The following KHDRBS2 variants were observed in gnomAD, a reference collection of about 807,000 sequenced individuals.
KHDRBS2 encodes the protein KH domain-containing, RNA-binding, signal transduction-associated protein 2.
In KHDRBS2, 26 loss-of-function variants were observed where a neutral mutation model predicts 44.3. The observed-to-expected ratio is 0.59, with a 90% CI of 0.43 to 0.81. The LOEUF is 0.81. Among genes scored for constraint, KHDRBS2 ranks in the 40% least tolerant of loss-of-function variants. The pLI, the probability that KHDRBS2 is intolerant of heterozygous loss-of-function variation, is 0.00. For synonymous variants in KHDRBS2, 194 were observed against 151.1 expected, an observed-to-expected ratio of 1.28 and a Z score of -2.08; for missense variants, 476 against 433.1, an observed-to-expected ratio of 1.10 and a Z score of -0.88.
chr6:61,602,906 C>T, the KHDRBS2 span, among the ~76,000 whole-genome samples: 1 of 152,140 alleles, frequency 6.6e-6, no homozygotes, highest in African/African-American at 2.4e-5. Context: ...CCTGACTATT[C>T]CTAGGCTATA....
the KHDRBS2 span, among the ~76,000 whole-genome samples, chr6:61,668,313 A>G: frequency 2.0e-5 from 3 of 151,082 alleles, no homozygotes; most frequent in African/African-American, 7.3e-5. Flanking sequence ...CAGTATTTAT[A>G]ATTTTCTAAA....
At chr6:62,087,066 T>A (rs1356765169) in intron 2 of KHDRBS2, among the ~76,000 whole-genome samples, 1 of 152,084 alleles carries the variant, frequency 6.6e-6, no homozygotes, top group Non-Finnish European at 1.5e-5. Flanking sequence ...TGTAAATTTA[T>A]AAGACATGTA....
Position 62,120,863 on chromosome 6 carries a change from A to T in KHDRBS2, c.219+56322T>A, listed in dbSNP as rs563220538. Among the ~76,000 whole-genome samples the T allele has an allele frequency of 7.9e-5, 12 of 152,308 alleles. No individual in the cohort carries two copies. In the South Asian group the frequency reaches 1.5e-3, roughly 18 times the overall value. On this transcript the variant is annotated intron_variant, in intron 2 of 8. Transcript: ENST00000281156. ...CCCACTACATTACCAACAAATTATGATGTTAATCTTTTTCCTATCCTTCCC... is the reference window on the plus strand; with the variant it reads ...CCCACTACATTACCAACAAATTATGTTGTTAATCTTTTTCCTATCCTTCCC...
chr6:61,873,936 C>A (rs934323328), intron 6 of KHDRBS2, among the ~76,000 whole-genome samples: 1 of 151,852 alleles, frequency 6.6e-6, no homozygotes, highest in African/African-American at 2.4e-5. Flanking sequence ...GACAAAGATG[C>A]ATGGGGGGCA....
chr6:61,561,542 G>A, the KHDRBS2 span, among the ~76,000 whole-genome samples: 166 of 152,192 alleles, frequency 1.1e-3, 2 homozygotes, highest in Middle Eastern at 3.4e-3. Context: ...CTGCAGCTTA[G>A]CTGGTACCCA....
chr6:62,242,508 C>T (rs176611), intron 1 of KHDRBS2, among the ~76,000 whole-genome samples: 7,251 of 152,020 alleles, frequency 0.048, 597 homozygotes, highest in African/African-American at 0.16. Context: ...ATAGTCTTTA[C>T]GCATGGCCAA....
At chr6:61,665,388 T>A in the KHDRBS2 span, among the ~76,000 whole-genome samples, 1 of 151,420 alleles carries the variant, frequency 6.6e-6, no homozygotes, top group Admixed American at 6.6e-5. Flanking sequence ...CACTTATAAG[T>A]AATGCTTGCA....
At chr6:62,155,098 T>C (rs576713487) in intron 2 of KHDRBS2, among the ~76,000 whole-genome samples, 44 of 152,246 alleles carry the variant, frequency 2.9e-4, no homozygotes, top group African/African-American at 9.9e-4. Flanking sequence ...ACTGGGAGTC[T>C]GGGAGATGGT....
chr6:61,675,234 G>A (rs151141613), downstream of KHDRBS2, among the ~76,000 whole-genome samples: 3,739 of 151,788 alleles, frequency 0.025, 73 homozygotes, highest in Middle Eastern at 0.082. Context: ...ATATTTTCAT[G>A]TAAAGACCTA....
At chr6:62,035,347 T>C (rs1785089648) in intron 3 of KHDRBS2, among the ~76,000 whole-genome samples, 1 of 151,956 alleles carries the variant, frequency 6.6e-6, no homozygotes, top group Non-Finnish European at 1.5e-5. Context: ...TGTAACAACA[T>C]GGATGGAAAT....
At chr6:62,239,508 C>T (rs893907125) in intron 1 of KHDRBS2, among the ~76,000 whole-genome samples, 4 of 151,886 alleles carry the variant, frequency 2.6e-5, no homozygotes, top group East Asian at 1.9e-4. Context: ...TGGAGGCGGA[C>T]GTTGCCGTGA....
intron 6 of KHDRBS2, among the ~76,000 whole-genome samples, chr6:61,739,697 G>A (rs886771681): frequency 2.6e-5 from 4 of 151,986 alleles, no homozygotes; most frequent in African/African-American, 9.6e-5. Flanking sequence ...CTGGCTTTTA[G>A]CATTTGTCAA....
chr6:62,084,659 T>C (rs1268213350), intron 2 of KHDRBS2, among the ~76,000 whole-genome samples: 1 of 152,130 alleles, frequency 6.6e-6, no homozygotes, highest in Non-Finnish European at 1.5e-5. Context: ...ATAAAGATAT[T>C]TTTAGGGTAT....
the KHDRBS2 span, among the ~76,000 whole-genome samples, chr6:61,633,387 T>C: frequency 6.6e-6 from 1 of 152,220 alleles, no homozygotes; most frequent in Admixed American, 6.5e-5. Context: ...TTACACACTG[T>C]GAGGATATTG....
At chr6:62,182,468 T>C (rs1451070439) in intron 1 of KHDRBS2, among the ~76,000 whole-genome samples, 1 of 151,504 alleles carries the variant, frequency 6.6e-6, no homozygotes, top group Admixed American at 6.6e-5. Context: ...ATTAAGTGTT[T>C]TACCACAAAA....
the KHDRBS2 span, among the ~76,000 whole-genome samples, chr6:61,580,963 A>T: frequency 1.3e-5 from 2 of 152,220 alleles, no homozygotes; most frequent in African/African-American, 4.8e-5. Flanking sequence ...TAAAAAATAT[A>T]ATACTATGAA....
intron 6 of KHDRBS2, among the ~76,000 whole-genome samples, chr6:61,834,707 T>C (rs1792374142): frequency 6.6e-6 from 1 of 151,972 alleles, no homozygotes; most frequent in South Asian, 2.1e-4. Flanking sequence ...TTACAAAGGG[T>C]GCACTAAAAA....
intron 2 of KHDRBS2, among the ~76,000 whole-genome samples, chr6:62,119,324 T>C (rs1213497172): frequency 6.6e-6 from 1 of 152,200 alleles, no homozygotes; most frequent in East Asian, 1.9e-4. Context: ...CCAAGGAATG[T>C]AATGAAGTTG....
rs569143963 is a variant in KHDRBS2 at position 62,177,115 on chromosome 6, T to C, written c.219+70A>G. On this transcript the variant is annotated intron_variant, in intron 2 of 8. Transcript: ENST00000281156. ...CAAATATTTATTTTATAAAAGTGAA[T>C]AATTAAAATACCGTCTTCTTTTATC... 6.2e-5 allele frequency: 57 copies of C among 912,574 alleles called. No homozygotes were observed. The African/African-American group carries it at 8.8e-4, about 14-fold the overall frequency. 56.5% of individuals were successfully genotyped at this position (912,574 alleles called of 1,614,324 possible).
Sources: allele counts gnomAD v4.1 joint callset (sites outside exome capture counted in the v4.1 genomes callset), GRCh38; gene constraint gnomAD v4.1.1; transcripts MANE v1.5; gene names NCBI Gene and HGNC (gene_info 2026-07-23, HGNC 2026-07-21).